The following SYT16 variants were observed in gnomAD, a reference collection of about 807,000 sequenced individuals.
SYT16 encodes synaptotagmin 16.
A neutral mutation model predicts 61.4 loss-of-function variants in SYT16; 42 were observed. The observed-to-expected ratio is 0.68, with a 90% CI of 0.53 to 0.89. The LOEUF (loss-of-function observed/expected upper bound fraction) is 0.89, where lower values mean the gene tolerates loss of function less well. SYT16 is among the 40% of genes least tolerant of loss of function. The pLI is 0.00. For synonymous variants in SYT16, 314 were observed against 302.3 expected (o/e 1.04, Z -0.40); for missense variants, 804 against 807.3 (o/e 1.00, Z 0.05).
intron 7 of SYT16, among the ~76,000 whole-genome samples, chr14:62,095,965 T>C (rs2057260672): frequency 6.6e-6 from 1 of 151,986 alleles, no homozygotes; most frequent in African/African-American, 2.4e-5. Context: ...GCTTGGAAAC[T>C]TGATATTTGA....
intron 3 of SYT16, among the ~76,000 whole-genome samples, chr14:62,001,143 A>T (rs1360879736): frequency 6.6e-6 from 1 of 152,142 alleles, no homozygotes; most frequent in African/African-American, 2.4e-5. Flanking sequence ...TTTATGCCAC[A>T]TGAACATATA....
At chr14:62,051,544 A>C (rs2055297573) in intron 3 of SYT16, among the ~76,000 whole-genome samples, 1 of 151,968 alleles carries the variant, frequency 6.6e-6, no homozygotes, top group Non-Finnish European at 1.5e-5. Context: ...TGCAGAAATC[A>C]CCCGTCTTCT....
intron 7 of SYT16, among the ~76,000 whole-genome samples, chr14:62,094,953 A>C (rs2057221137): frequency 6.6e-6 from 1 of 152,026 alleles, no homozygotes; most frequent in African/African-American, 2.4e-5. Context: ...ATGCCTACTC[A>C]TGCCTGCAAC....
chr14:62,026,890 G>A (rs1009896677), intron 3 of SYT16, among the ~76,000 whole-genome samples: 4 of 152,124 alleles, frequency 2.6e-5, no homozygotes, highest in African/African-American at 9.7e-5. Flanking sequence ...TTATGTACCT[G>A]AAGCTATTAG....
intron 1 of SYT16, among the ~76,000 whole-genome samples, chr14:61,863,147 A>G (rs1566634828): frequency 6.6e-6 from 1 of 152,202 alleles, no homozygotes; most frequent in Non-Finnish European, 1.5e-5. Context: ...AAGGAGAATG[A>G]CTGCTGGATC....
At chr14:61,931,265 T>C (rs142581250) in intron 1 of SYT16, among the ~76,000 whole-genome samples, 328 of 152,332 alleles carry the variant, frequency 2.2e-3, no homozygotes, top group African/African-American at 7.6e-3. Flanking sequence ...AAGTCAGGAT[T>C]CTTTCTTAGA....
chr14:61,983,151 A>G (rs1297890653), intron 2 of SYT16, among the ~76,000 whole-genome samples: 1 of 152,192 alleles, frequency 6.6e-6, no homozygotes, highest in African/African-American at 2.4e-5. Context: ...ATGCTTAACT[A>G]GCTATTTGAG....
chr14:61,816,794 G>A (rs1386075614), intron 1 of SYT16, among the ~76,000 whole-genome samples: 1 of 150,274 alleles, frequency 6.7e-6, no homozygotes, highest in East Asian at 2.0e-4. Flanking sequence ...GACGGATCAC[G>A]AGGTCAGGAG....
At chr14:61,855,037 G>A (rs2046733340) in intron 1 of SYT16, among the ~76,000 whole-genome samples, 1 of 152,134 alleles carries the variant, frequency 6.6e-6, no homozygotes, top group Non-Finnish European at 1.5e-5. Context: ...AAGGTTATAT[G>A]AGTACCTTAT....
chr14:61,944,064 T>C (rs1302726430), intron 1 of SYT16, among the ~76,000 whole-genome samples: 2 of 152,114 alleles, frequency 1.3e-5, no homozygotes, highest in African/African-American at 4.8e-5. Context: ...TGTGCAAAAA[T>C]CACAAGCATT....
intron 3 of SYT16, among the ~76,000 whole-genome samples, chr14:62,022,772 A>G (rs576597956): frequency 6.2e-4 from 95 of 152,186 alleles, no homozygotes; most frequent in African/African-American, 1.8e-3. Context: ...GGGTTCATCA[A>G]TTGGATTATT....
intron 2 of SYT16, among the ~76,000 whole-genome samples, chr14:61,980,977 G>GC (rs1566735576): frequency 7.1e-6 from 1 of 140,576 alleles, no homozygotes; most frequent in African/African-American, 2.7e-5. Flanking sequence ...TGTGTGTGTG[G>GC]TTGTGTGTAG....
At chr14:61,943,544 C>A (rs757591716) in intron 1 of SYT16, among the ~76,000 whole-genome samples, 1 of 152,118 alleles carries the variant, frequency 6.6e-6, no homozygotes, top group Non-Finnish European at 1.5e-5. Context: ...ACGATCAAGT[C>A]GGCTTCATCC....
At chr14:61,847,170 T>C (rs534476099) in intron 1 of SYT16, among the ~76,000 whole-genome samples, 1 of 152,210 alleles carries the variant, frequency 6.6e-6, no homozygotes, top group Non-Finnish European at 1.5e-5. Flanking sequence ...GATTTCTTAT[T>C]GTTCATTAAC....
intron 1 of SYT16, among the ~76,000 whole-genome samples, chr14:61,892,915 T>C (rs2048189399): frequency 7.2e-5 from 11 of 152,076 alleles, no homozygotes; most frequent in South Asian, 2.1e-4. Flanking sequence ...TTTTTTTTTT[T>C]CCTTCCCTTT....
chr14:62,015,653 G>A lies in SYT16; in HGVS notation c.523+19111G>A, dbSNP rs74845080. On this transcript the variant is annotated intron_variant, in intron 3 of 7. Transcript: ENST00000683842. ...CATGAAGGCAGAGCCCTCATGAATGGGATGAGTGCCCTTATAAAAGAGGCC... is the reference window on the plus strand; with the variant it reads ...CATGAAGGCAGAGCCCTCATGAATGAGATGAGTGCCCTTATAAAAGAGGCC... Among the ~76,000 whole-genome samples, 1,415 of 152,212 alleles carry A rather than the reference G, an allele frequency of 9.3e-3. 16 individuals carry two copies. Among genetic ancestry groups the A allele is most frequent in the African/African-American group, 0.033 (1,362 of 41,522 alleles).
Position 61,952,096 on chromosome 14 carries a change from C to G in SYT16, c.-324-18036C>G, listed in dbSNP as rs554777669. 3.3e-5 allele frequency among the ~76,000 whole-genome samples: 5 copies of G among 151,862 alleles called. No individual in the cohort carries two copies. The South Asian group carries it at 1.0e-3, about 32-fold the overall frequency. On this transcript the variant is annotated intron_variant, in intron 1 of 7. Transcript: ENST00000683842. ...AGCCACTGTGCCTGGCCATTAAGTT[C>G]AACAATGTTGAACTGATACAGTGAT...
chr14:62,111,920 A>G lies in SYT16; in HGVS notation c.*11213A>G, dbSNP rs1200031869. 1 of 152,148 alleles carries G rather than the reference A, an allele frequency of 6.6e-6. No individual in the cohort carries two copies. The highest frequency in any genetic ancestry group is 1.5e-5 in the Non-Finnish European group (1 of 67,972). The allele number at this position is 152,148 out of a possible 1,614,324, so 9.4% of individuals were successfully genotyped here. A position where few individuals can be genotyped will look rare whatever the true frequency, so the allele number is the denominator to read the frequency against. ...TCTCTTATTAAAGAAGCATGAATGT[A>G]TCACTAGCTGTTACCAGAACAAACA... On this transcript the variant is annotated 3_prime_UTR_variant, in exon 8 of 8. Transcript: ENST00000683842.
chr14:61,819,923 C>G (rs571762132), intron 1 of SYT16, among the ~76,000 whole-genome samples: 32 of 152,314 alleles, frequency 2.1e-4, no homozygotes, highest in African/African-American at 7.2e-4. Context: ...ACAACATATG[C>G]ATTAATAAAT....
Sources: gnomAD v4.1 joint callset for allele counts (sites outside exome capture counted in the v4.1 genomes callset) on GRCh38, gnomAD v4.1.1 for gene constraint, MANE v1.5 for transcripts, NCBI Gene and HGNC (gene_info 2026-07-23, HGNC 2026-07-21) for gene names.